COL23A1: variants seen among roughly 807,000 people sequenced by gnomAD.
COL23A1 encodes collagen type XXIII alpha 1 chain.
In COL23A1, 97 loss-of-function variants were observed where a neutral mutation model predicts 99.3. That is an observed-to-expected ratio of 0.98 (90% confidence interval 0.83 to 1.16). The LOEUF (loss-of-function observed/expected upper bound fraction) is 1.16, where lower values mean the gene tolerates loss of function less well. Ranked by LOEUF, COL23A1 falls within the 50% of genes most tolerant of loss-of-function variation. The probability of loss-of-function intolerance (pLI) is 0.00; values close to 1 mark genes in which losing one functional copy is unlikely to be tolerated. For missense variants in COL23A1, 762 were observed against 757.4 expected, an observed-to-expected ratio of 1.01 and a Z score of -0.07; for synonymous variants, 320 against 308.2, an observed-to-expected ratio of 1.04 and a Z score of -0.40.
At chr5:178,343,950 CGT>C (rs1760819098) in intron 2 of COL23A1, among the ~76,000 whole-genome samples, 1 of 152,106 alleles carries the variant, frequency 6.6e-6, no homozygotes. Context: ...CGTGAGCCAC[CGT>C]ACCCGGCCTA....
rs1763544474 is a variant in COL23A1 at position 178,384,228 on chromosome 5, A to G, written c.362-77309T>C. On this transcript the variant is annotated intron_variant, in intron 2 of 28. Coordinates refer to ENST00000390654, the MANE Select transcript of COL23A1 (RefSeq NM_173465.4). The surrounding 1 kb of genome is among the most constrained non-coding windows in gnomAD (Gnocchi z 5.5). ...CAGCGTGGAGCCAGACGCTGCTGCG[A>G]GCTGAGCTGCGATCGCAAATGCACG... is the stretch of plus-strand genomic sequence containing the variant. 6.6e-6 allele frequency among the ~76,000 whole-genome samples: 1 copy of G among 152,204 alleles called. No individual in the cohort carries two copies. Among genetic ancestry groups the G allele is most frequent in the Non-Finnish European group, 1.5e-5 (1 of 68,036 alleles).
chr5:178,367,716 G>A (rs1470430823), intron 2 of COL23A1, among the ~76,000 whole-genome samples: 1 of 152,198 alleles, frequency 6.6e-6, no homozygotes. Flanking sequence ...TTTCTTTCTA[G>A]CATATCATCC....
intron 1 of COL23A1, among the ~76,000 whole-genome samples, chr5:178,568,427 A>G (rs1057171560): frequency 6.6e-6 from 1 of 152,100 alleles, no homozygotes; most frequent in Admixed American, 6.5e-5. Context: ...TTTAGAATGG[A>G]TTTATTTTTT....
At chr5:178,495,724 A>C (rs935856518) in intron 2 of COL23A1, among the ~76,000 whole-genome samples, 1 of 152,022 alleles carries the variant, frequency 6.6e-6, no homozygotes, top group African/African-American at 2.4e-5. Flanking sequence ...TGCAATATGA[A>C]AATAGTGGGG....
At chr5:178,584,938 A>G (rs749948768) in intron 1 of COL23A1, among the ~76,000 whole-genome samples, 14 of 152,174 alleles carry the variant, frequency 9.2e-5, no homozygotes, top group Non-Finnish European at 1.8e-4. Flanking sequence ...AAAGCTGGCA[A>G]GCAATGTCCT....
intron 2 of COL23A1, among the ~76,000 whole-genome samples, chr5:178,436,221 T>A (rs1180444900): frequency 6.6e-6 from 1 of 152,016 alleles, no homozygotes; most frequent in Non-Finnish European, 1.5e-5. Flanking sequence ...AAAACCATCC[T>A]AGGAGGGGAT....
At chr5:178,507,683 C>T (rs759739849) in intron 2 of COL23A1, among the ~76,000 whole-genome samples, 3 of 152,202 alleles carry the variant, frequency 2.0e-5, no homozygotes, top group Non-Finnish European at 4.4e-5. Context: ...TCCTGAGGAG[C>T]GATCTGCTGT....
Position 178,347,870 on chromosome 5 carries a change from ACT to A in COL23A1, c.362-40953_362-40952del, listed in dbSNP as rs1351240318. The stretch of plus-strand genomic sequence containing the variant: ...CACTCCAGCCTGGTGACAGAGCAAG[ACT>A]CTGTCTCAAAAAAAAAAAAAAAAAA... On this transcript the variant is annotated intron_variant, in intron 2 of 28. Transcript: ENST00000390654. Among the ~76,000 whole-genome samples, 6 of 134,778 alleles carry A rather than the reference ACT, an allele frequency of 4.5e-5. No individual in the cohort carries two copies. The East Asian group carries it at 1.1e-3, about 24-fold the overall frequency. 88.4% of individuals were successfully genotyped at this position (134,778 alleles called of 152,430 possible). A position where few individuals can be genotyped will look rare whatever the true frequency, so the allele number is the denominator to read the frequency against.
chr5:178,541,889 G>A (rs967342246), intron 2 of COL23A1, among the ~76,000 whole-genome samples: 2 of 152,202 alleles, frequency 1.3e-5, no homozygotes, highest in African/African-American at 4.8e-5. Context: ...AGTCTCTTAG[G>A]TGAGAAATCG....
At chr5:178,417,432 T>C (rs1765371306) in intron 2 of COL23A1, among the ~76,000 whole-genome samples, 1 of 152,152 alleles carries the variant, frequency 6.6e-6, no homozygotes, top group Non-Finnish European at 1.5e-5. Context: ...ATCTGACCTC[T>C]TTCTAGTAGC....
Position 178,307,011 on chromosome 5 carries a change from G to A in COL23A1, c.362-92C>T, listed in dbSNP as rs536124793. ...GCCCCAGCCACCCACCTGTCCGCTC[G>A]CAACAGCTTTCTGGGAGTGGCCTGC... On this transcript the variant is annotated intron_variant, in intron 2 of 28. Coordinates refer to ENST00000390654, the MANE Select transcript of COL23A1 (RefSeq NM_173465.4). The surrounding 1 kb of genome is among the most constrained non-coding windows in gnomAD (Gnocchi z 4.2). The A allele has an allele frequency of 2.4e-5, 23 of 955,952 alleles. No individual in the cohort carries two copies. The African/African-American group carries it at 3.5e-4, about 14-fold the overall frequency. The allele number at this position is 955,952 out of a possible 1,614,324, so 59.2% of individuals were successfully genotyped here.
chr5:178,372,702 A>C (rs866148810), intron 2 of COL23A1, among the ~76,000 whole-genome samples: 1 of 151,750 alleles, frequency 6.6e-6, no homozygotes, highest in Non-Finnish European at 1.5e-5. Context: ...CCTCCCGTGT[A>C]GCTGGGACCA....
rs1301030484 is a variant in COL23A1, at chr5:178,340,331, G to C, written c.362-33412C>G. Among the ~76,000 whole-genome samples, 1 of 152,238 alleles carries C rather than the reference G, an allele frequency of 6.6e-6. No homozygotes were observed. Among genetic ancestry groups the C allele is most frequent in the African/African-American group, 2.4e-5 (1 of 41,458 alleles). On this transcript the variant is annotated intron_variant, in intron 2 of 28. Transcript: ENST00000390654. The surrounding 1 kb of genome is among the most constrained non-coding windows in gnomAD (Gnocchi z 4.7). ...TATCCAAGAAGCATGTGTCAGAACA[G>C]CTTTGCTGGTGGCTCCAGCGCAGGA...
intron 2 of COL23A1, among the ~76,000 whole-genome samples, chr5:178,364,881 C>T (rs1460305788): frequency 2.0e-5 from 3 of 152,208 alleles, no homozygotes; most frequent in African/African-American, 7.2e-5. Flanking sequence ...GGGAGCCTGC[C>T]CAGGCCCCAG....
At chr5:178,503,932 G>C (rs957783862) in intron 2 of COL23A1, among the ~76,000 whole-genome samples, 3 of 152,228 alleles carry the variant, frequency 2.0e-5, no homozygotes, top group East Asian at 3.9e-4. Context: ...CCTGCTGTGT[G>C]TCTCTCCTTG....
intron 2 of COL23A1, among the ~76,000 whole-genome samples, chr5:178,547,558 C>T (rs1273819268): frequency 1.1e-5 from 1 of 91,844 alleles, no homozygotes; most frequent in Non-Finnish European, 2.2e-5. Context: ...CACCCCCATA[C>T]ACACCCCCAC....
intron 2 of COL23A1, among the ~76,000 whole-genome samples, chr5:178,453,651 A>G (rs938009250): frequency 6.6e-6 from 1 of 152,180 alleles, no homozygotes; most frequent in Non-Finnish European, 1.5e-5. Flanking sequence ...CTGTGGATTC[A>G]ATTCATTGGT....
Position 178,243,177 on chromosome 5 carries a change from G to A in COL23A1, c.1441-783C>T, listed in dbSNP as rs372543190. Reference sequence around the variant, plus strand: ...TGCACTCTGGCCTGGGCGACAGAGCGGGACTCTGTCTCAAAAAACAAACAA... The same window carrying A: ...TGCACTCTGGCCTGGGCGACAGAGCAGGACTCTGTCTCAAAAAACAAACAA... On this transcript the variant is annotated intron_variant, in intron 25 of 28. Coordinates refer to ENST00000390654, the MANE Select transcript of COL23A1 (RefSeq NM_173465.4). Among the ~76,000 whole-genome samples the A allele has an allele frequency of 1.6e-4, 21 of 135,476 alleles. 1 individual carries two copies. Among genetic ancestry groups the A allele is most frequent in the African/African-American group, 5.4e-4 (20 of 37,186 alleles). 88.9% of individuals were successfully genotyped at this position (135,476 alleles called of 152,430 possible). A position where few individuals can be genotyped will look rare whatever the true frequency, so the allele number is the denominator to read the frequency against.
At chr5:178,321,742 G>A (rs1759327163) in intron 2 of COL23A1, among the ~76,000 whole-genome samples, 2 of 151,992 alleles carry the variant, frequency 1.3e-5, no homozygotes, top group African/African-American at 2.4e-5. Context: ...ACCCGCCTCA[G>A]CCTCCCAAAG....
Sources: gnomAD v4.1 joint callset for allele counts (sites outside exome capture counted in the v4.1 genomes callset) on GRCh38, gnomAD v4.1.1 for gene constraint, Gnocchi (gnomAD v3.1) non-coding constraint, MANE v1.5 for transcripts, NCBI Gene and HGNC (gene_info 2026-07-23, HGNC 2026-07-21) for gene names.